TBC1D4: variants seen among roughly 807,000 people sequenced by gnomAD.
TBC1D4 encodes TBC1 domain family member 4.
Under a neutral mutation model 142.5 loss-of-function variants are expected in TBC1D4, and 121 were observed. That is an observed-to-expected ratio of 0.85 (90% confidence interval 0.73 to 0.99). The LOEUF (loss-of-function observed/expected upper bound fraction) is 0.99, where lower values mean the gene tolerates loss of function less well. TBC1D4 is among the 50% of genes least tolerant of loss of function. The pLI is 0.00. For synonymous variants in TBC1D4, 630 were observed against 628.2 expected, an observed-to-expected ratio of 1.00 and a Z score of -0.04; for missense variants, 1,475 against 1,606.6, an observed-to-expected ratio of 0.92 and a Z score of 1.40.
intron 16 of TBC1D4, among the ~76,000 whole-genome samples, chr13:75,301,927 C>A (rs765241371): frequency 6.6e-6 from 1 of 152,150 alleles, no homozygotes; most frequent in African/African-American, 2.4e-5. Context: ...CAACTATCTG[C>A]CCTAAAAAGT....
At chr13:75,393,105 T>C (rs1884577389) in intron 1 of TBC1D4, among the ~76,000 whole-genome samples, 1 of 134,076 alleles carries the variant, frequency 7.5e-6, no homozygotes, top group African/African-American at 2.9e-5. Context: ...ATACATAAAT[T>C]TAAATTAAAA....
In TBC1D4 at chr13:75,299,464, A is replaced by G. The variant is rs1235682668; in HGVS notation, c.3022T>C (p.Cys1008Arg). ...YSLLDKEVGYCQGISFVAGVL... is the reference protein window; with the variant it reads ...YSLLDKEVGYRQGISFVAGVL... ...CCAGCCACAAAGCTGATCCCCTGACAGTATCCCACTTCTTTGTCCAGCAAA... is the reference window on the plus strand; with the variant it reads ...CCAGCCACAAAGCTGATCCCCTGACGGTATCCCACTTCTTTGTCCAGCAAA... Residue 1008 changes from cysteine to arginine, a missense_variant, in exon 17 of 21, where the codon TGT becomes CGT. Physicochemically the swap from Cys to Arg is radical, Grantham distance 180 (BLOSUM62 -3). This residue lies in a region of TBC1D4 where 1,227 missense variants were observed against 1,267.7 expected (regional missense o/e 0.97). Transcript: ENST00000377636. 1.2e-5 allele frequency: 20 copies of G among 1,614,226 alleles called. No individual in the cohort carries two copies. The highest frequency in any genetic ancestry group is 1.5e-5 in the Non-Finnish European group (18 of 1,180,038).
intron 1 of TBC1D4, among the ~76,000 whole-genome samples, chr13:75,474,090 A>G (rs962856431): frequency 4.6e-5 from 7 of 152,270 alleles, no homozygotes; most frequent in African/African-American, 1.7e-4. Context: ...AATGGAAAGT[A>G]CATACTGGCA....
chr13:75,357,600 G>C (rs572766698), intron 3 of TBC1D4, among the ~76,000 whole-genome samples: 1 of 152,306 alleles, frequency 6.6e-6, no homozygotes, highest in Non-Finnish European at 1.5e-5. Flanking sequence ...AGCTCGGAGA[G>C]TCCTGAGGCA....
At chr13:75,296,254 C>A (rs1356076248) in intron 17 of TBC1D4, among the ~76,000 whole-genome samples, 1 of 150,974 alleles carries the variant, frequency 6.6e-6, no homozygotes, top group Non-Finnish European at 1.5e-5. Flanking sequence ...TGAAAAAAAA[C>A]ATACATTTCC....
Position 75,402,207 on chromosome 13 carries a change from A to G in TBC1D4, c.499-39600T>C, listed in dbSNP as rs189289715. Among the ~76,000 whole-genome samples the G allele has an allele frequency of 8.9e-4, 136 of 152,354 alleles. 1 individual carries two copies. The highest frequency in any genetic ancestry group is 3.1e-3 in the African/African-American group (130 of 41,592). ...ATTTTACTGCCAAGCTTTTAAAAAC[A>G]TCTTTATATTAAAATACATAAGATA... On this transcript the variant is annotated intron_variant, in intron 1 of 20. Transcript: ENST00000377636.
At chr13:75,422,183 G>A (rs1296988461) in intron 1 of TBC1D4, among the ~76,000 whole-genome samples, 1 of 152,046 alleles carries the variant, frequency 6.6e-6, no homozygotes, top group Non-Finnish European at 1.5e-5. Flanking sequence ...GCAAAATACT[G>A]AGCAAAGATG....
At chr13:75,431,450 A>C (rs1886589020) in intron 1 of TBC1D4, among the ~76,000 whole-genome samples, 1 of 152,186 alleles carries the variant, frequency 6.6e-6, no homozygotes, top group Non-Finnish European at 1.5e-5. Context: ...TGTCACACAA[A>C]AGCTTATTTT....
chr13:75,392,483 G>T (rs1884540680), intron 1 of TBC1D4, among the ~76,000 whole-genome samples: 1 of 152,044 alleles, frequency 6.6e-6, no homozygotes, highest in Non-Finnish European at 1.5e-5. Flanking sequence ...GTTCTCATGT[G>T]CTCCTCATTC....
chr13:75,448,568 C>CAA (rs550307669), intron 1 of TBC1D4, among the ~76,000 whole-genome samples: 6 of 74,998 alleles, frequency 8.0e-5, no homozygotes, highest in African/African-American at 1.4e-4. Context: ...AACTCCGTCT[C>CAA]AAAAAAAAAA....
intron 1 of TBC1D4, among the ~76,000 whole-genome samples, chr13:75,412,218 T>C (rs1301431006): frequency 2.0e-5 from 3 of 152,136 alleles, no homozygotes; most frequent in African/African-American, 7.2e-5. Context: ...CAGTTTAAGT[T>C]AGGTAAGTAA....
intron 1 of TBC1D4, among the ~76,000 whole-genome samples, chr13:75,392,829 T>C (rs1884561705): frequency 6.6e-6 from 1 of 152,050 alleles, no homozygotes; most frequent in Non-Finnish European, 1.5e-5. Flanking sequence ...TTTGTAGAGA[T>C]AGGGTCTCGA....
intron 1 of TBC1D4, chr13:75,367,003 G>A: frequency 2.0e-6 from 2 of 984,946 alleles, no homozygotes; most frequent in Non-Finnish European, 1.2e-6. Context: ...TTAGCTCTAA[G>A]TTCTCTCTTT....
intron 1 of TBC1D4, among the ~76,000 whole-genome samples, chr13:75,447,196 T>G (rs1341153206): frequency 6.6e-6 from 1 of 152,118 alleles, no homozygotes; most frequent in Non-Finnish European, 1.5e-5. Context: ...TTTAGTAGAT[T>G]TGGTAAACTT....
chr13:75,336,127 G>A (rs1593748479), intron 8 of TBC1D4, among the ~76,000 whole-genome samples: 5 of 152,206 alleles, frequency 3.3e-5, no homozygotes, highest in South Asian at 4.2e-4. Flanking sequence ...GGCCAGGTGC[G>A]GTGGCTCACA....
chr13:75,352,641 G>C (rs1205569260), intron 4 of TBC1D4, among the ~76,000 whole-genome samples: 1 of 152,170 alleles, frequency 6.6e-6, no homozygotes, highest in Non-Finnish European at 1.5e-5. Context: ...AGGAAAGAAG[G>C]GAGAAGGTTG....
At chr13:75,410,129 G>C (rs1885566341) in intron 1 of TBC1D4, among the ~76,000 whole-genome samples, 2 of 152,224 alleles carry the variant, frequency 1.3e-5, no homozygotes, top group South Asian at 2.1e-4. Flanking sequence ...GTAAATAACG[G>C]TGTATGCTCA....
At chr13:75,348,105 AAATCCAGCCTG>A (rs558576577) in intron 5 of TBC1D4, among the ~76,000 whole-genome samples, 54 of 152,288 alleles carry the variant, frequency 3.5e-4, no homozygotes, top group South Asian at 3.1e-3. Context: ...CACATCACTG[AAATCCAGCCTG>A]GGCAACAGAG....
intron 1 of TBC1D4, among the ~76,000 whole-genome samples, chr13:75,374,217 G>C (rs1458592632): frequency 6.6e-6 from 1 of 152,030 alleles, no homozygotes; most frequent in Non-Finnish European, 1.5e-5. Flanking sequence ...TGTGGACGGA[G>C]ATGTCCTCTC....
Sources: gnomAD v4.1 joint callset for allele counts (sites outside exome capture counted in the v4.1 genomes callset) on GRCh38, gnomAD v4.1.1 for gene constraint, gnomAD v4.1.1 regional missense constraint, MANE v1.5 for transcripts, NCBI Gene and HGNC (gene_info 2026-07-23, HGNC 2026-07-21) for gene names.